The following RPTOR variants were observed in gnomAD, a reference collection of about 807,000 sequenced individuals.
RPTOR encodes regulatory associated protein of MTOR complex 1, also known as regulatory-associated protein of mTOR.
RPTOR carries 21 observed loss-of-function variants against 169.9 expected under a neutral mutation model. The ratio of observed to expected loss-of-function variants is 0.12; its 90% CI spans 0.09 to 0.18. The LOEUF (loss-of-function observed/expected upper bound fraction) is 0.18. Among genes scored for constraint, RPTOR ranks in the 10% least tolerant of loss-of-function variants. RPTOR has a pLI of 1.00. For synonymous variants in RPTOR, 732 were observed against 753.2 expected, an observed-to-expected ratio of 0.97 and a Z score of 0.46; for missense variants, 1,133 against 1,855.9, an observed-to-expected ratio of 0.61 and a Z score of 7.16.
At chr17:80,630,687 T>A (rs62068343) in intron 2 of RPTOR, among the ~76,000 whole-genome samples, 8,744 of 152,318 alleles carry the variant, frequency 0.057, 299 homozygotes, top group Non-Finnish European at 0.082. Flanking sequence ...ATTGAATTGC[T>A]GAGTGCTACG....
intron 14 of RPTOR, among the ~76,000 whole-genome samples, chr17:80,881,018 G>A (rs1422580595): frequency 1.3e-5 from 2 of 152,134 alleles, no homozygotes; most frequent in Admixed American, 6.5e-5. Flanking sequence ...CATGAATAGG[G>A]TGTATAGTTA....
intron 2 of RPTOR, among the ~76,000 whole-genome samples, chr17:80,641,353 C>T (rs933049874): frequency 1.3e-5 from 2 of 152,190 alleles, no homozygotes; most frequent in Admixed American, 1.3e-4. Flanking sequence ...TTAGAATTTC[C>T]AGAAGGTTAG....
At chr17:80,931,190 T>C (rs963395801) in intron 24 of RPTOR, among the ~76,000 whole-genome samples, 3 of 152,094 alleles carry the variant, frequency 2.0e-5, no homozygotes, top group Admixed American at 2.0e-4. Flanking sequence ...AGAGCACCAC[T>C]CCCACCTTGG....
intron 3 of RPTOR, among the ~76,000 whole-genome samples, chr17:80,677,406 A>C (rs1399963385): frequency 5.3e-5 from 8 of 152,196 alleles, no homozygotes. Flanking sequence ...TGGCCTGCTT[A>C]AAGCATTTTA....
intron 24 of RPTOR, among the ~76,000 whole-genome samples, chr17:80,937,038 T>G (rs749945061): frequency 6.6e-6 from 1 of 152,166 alleles, no homozygotes; most frequent in Non-Finnish European, 1.5e-5. Context: ...GACTTTATTG[T>G]TCAGTGGGGA....
chr17:80,606,801 C>G (rs992006270), intron 1 of RPTOR, among the ~76,000 whole-genome samples: 1 of 152,118 alleles, frequency 6.6e-6, no homozygotes, highest in African/African-American at 2.4e-5. Flanking sequence ...ATCCATCCAT[C>G]CATCCATTAA....
intron 20 of RPTOR, among the ~76,000 whole-genome samples, chr17:80,895,595 T>C (rs1202179657): frequency 6.6e-6 from 1 of 152,254 alleles, no homozygotes; most frequent in Non-Finnish European, 1.5e-5. Flanking sequence ...TGGTGCGTGT[T>C]CTTCAGCGTG....
At chr17:80,642,282 G>A (rs565916062) in intron 2 of RPTOR, among the ~76,000 whole-genome samples, 38 of 152,096 alleles carry the variant, frequency 2.5e-4, no homozygotes, top group Admixed American at 1.3e-3. Flanking sequence ...GATTACAGGC[G>A]CCCAGCTAAT....
Position 80,947,019 on chromosome 17 carries a change from G to C in RPTOR, c.3141-208G>C, listed in dbSNP as rs2069112228. 6.6e-6 allele frequency among the ~76,000 whole-genome samples: 1 copy of C among 152,196 alleles called. No homozygotes were observed. Among genetic ancestry groups the C allele is most frequent in the Non-Finnish European group, 1.5e-5 (1 of 68,036 alleles). ...TTGTTTGGAGACAAGGTCTCACTTT[G>C]TTGTCCAGGCTGGTCTTGAACTCCC... On this transcript the variant is annotated intron_variant, in intron 26 of 33. Coordinates refer to ENST00000306801, the MANE Select transcript of RPTOR (RefSeq NM_020761.3). This position sits in a 1 kb window ranked among gnomAD's most constrained non-coding sequence, Gnocchi z 4.4.
At chr17:80,859,749 C>T (rs901765721) in intron 13 of RPTOR, among the ~76,000 whole-genome samples, 5 of 152,234 alleles carry the variant, frequency 3.3e-5, no homozygotes, top group African/African-American at 9.6e-5. Flanking sequence ...TGTATGTGGG[C>T]GCTTGTGCGT....
At chr17:80,594,962 C>T (rs2065134319) in intron 1 of RPTOR, among the ~76,000 whole-genome samples, 1 of 151,826 alleles carries the variant, frequency 6.6e-6, no homozygotes, top group Non-Finnish European at 1.5e-5. Context: ...CAGTAACTGC[C>T]TGGGCTGATG....
intron 1 of RPTOR, among the ~76,000 whole-genome samples, chr17:80,546,161 G>T (rs1041169546): frequency 1.3e-5 from 2 of 152,170 alleles, no homozygotes; most frequent in African/African-American, 4.8e-5. Context: ...CACATGATTA[G>T]TCTACTTTTT....
intron 9 of RPTOR, among the ~76,000 whole-genome samples, chr17:80,824,842 C>T (rs186384815): frequency 1.1e-3 from 168 of 152,392 alleles, no homozygotes; most frequent in African/African-American, 3.9e-3. Flanking sequence ...AGTGACATCA[C>T]ATTGGAGTCC....
chr17:80,840,228 G>C (rs1250240524), intron 10 of RPTOR, among the ~76,000 whole-genome samples: 2 of 152,090 alleles, frequency 1.3e-5, no homozygotes, highest in African/African-American at 2.4e-5. Flanking sequence ...AGTCACGCAG[G>C]GTGTAGTCTT....
intron 2 of RPTOR, among the ~76,000 whole-genome samples, chr17:80,631,053 C>CA (rs2065438245): frequency 6.6e-6 from 1 of 152,196 alleles, no homozygotes; most frequent in Admixed American, 6.5e-5. Flanking sequence ...ATTCTGTGCC[C>CA]AGGGCGTGTT....
intron 12 of RPTOR, among the ~76,000 whole-genome samples, chr17:80,856,968 C>T (rs2067859598): frequency 6.6e-6 from 1 of 152,222 alleles, no homozygotes; most frequent in Non-Finnish European, 1.5e-5. Flanking sequence ...TGTGGCCTTT[C>T]ACAGGGAAGG....
At chr17:80,880,233 C>T (rs1475800320) in intron 13 of RPTOR, among the ~76,000 whole-genome samples, 182 bp from the exon 14 acceptor site, 2 of 152,178 alleles carry the variant, frequency 1.3e-5, no homozygotes, top group Non-Finnish European at 2.9e-5. Context: ...CCCTTCTTAG[C>T]CAAGGAAAGC....
chr17:80,592,135 A>G (rs1480704090), intron 1 of RPTOR, among the ~76,000 whole-genome samples: 1 of 152,132 alleles, frequency 6.6e-6, no homozygotes, highest in Non-Finnish European at 1.5e-5. Flanking sequence ...CATTTGAAGT[A>G]GGCTGGAGCG....
rs144080530 is a variant in RPTOR at position 80,857,801 on chromosome 17, C to T, written c.1410C>T (p.Val470=). ...GPWAVSLALS[V]GIFPYVLKLL... is the part of the protein sequence containing the mutation. The stretch of plus-strand genomic sequence containing the variant: ...TCCCTCGCCCCCAGGCCTTGTCTGT[C>T]GGCATCTTCCCCTACGTGCTGAAGC... Residue 470 remains valine, a synonymous_variant, in exon 13 of 34, where the codon GTC becomes GTT. Coordinates refer to ENST00000306801, the MANE Select transcript of RPTOR (RefSeq NM_020761.3). The T allele has an allele frequency of 7.8e-5, 125 of 1,609,886 alleles. 1 individual carries two copies. In the South Asian group the frequency reaches 8.3e-4, roughly 11 times the overall value.
Sources: allele counts gnomAD v4.1 joint callset (sites outside exome capture counted in the v4.1 genomes callset), GRCh38; gene constraint gnomAD v4.1.1; non-coding constraint Gnocchi (gnomAD v3.1); transcripts MANE v1.5; gene names NCBI Gene and HGNC (gene_info 2026-07-23, HGNC 2026-07-21).